CCDC77: variants seen among roughly 807,000 people sequenced by gnomAD.
The protein encoded by CCDC77 is coiled-coil domain-containing protein 77.
In CCDC77, 56 loss-of-function variants were observed where a neutral mutation model predicts 66.8. The ratio of observed to expected loss-of-function variants is 0.84; its 90% CI spans 0.68 to 1.05. The LOEUF (loss-of-function observed/expected upper bound fraction) is 1.05. Ranked by LOEUF, CCDC77 falls within the 50% of genes least tolerant of loss-of-function variation. CCDC77 has a pLI of 0.00. For missense variants in CCDC77, 570 were observed against 576.8 expected, an observed-to-expected ratio of 0.99 and a Z score of 0.12; for synonymous variants, 196 against 195.2, an observed-to-expected ratio of 1.00 and a Z score of -0.03.
Position 416,345 on chromosome 12 carries a change from GTGT to G in CCDC77, c.271-2148_271-2146del, listed in dbSNP as rs1313676497. ...TGTGTGAGTCTGTGGGTGTGTGGGG[GTGT>G]GTGTGTGTGTGTGTGTGTGTGTGTG... is the stretch of plus-strand genomic sequence containing the variant. On this transcript the variant is annotated intron_variant, in intron 4 of 12. Transcript: ENST00000239830. 2.4e-4 allele frequency among the ~76,000 whole-genome samples: 8 copies of G among 32,664 alleles called. 1 individual carries two copies. The highest frequency in any genetic ancestry group is 9.7e-4 in the African/African-American group (8 of 8,266). 21.4% of individuals were successfully genotyped at this position (32,664 alleles called of 152,430 possible). A position where few individuals can be genotyped will look rare whatever the true frequency, so the allele number is the denominator to read the frequency against.
At chr12:428,193 C>T (rs1945570187) in intron 5 of CCDC77, among the ~76,000 whole-genome samples, 1 of 152,064 alleles carries the variant, frequency 6.6e-6, no homozygotes, top group African/African-American at 2.4e-5. Context: ...TAACCCTCAG[C>T]AGCCACTACC....
chr12:431,840 T>C (rs201792676), intron 7 of CCDC77, 26 bp from the exon 8 acceptor site: 66 of 1,460,920 alleles, frequency 4.5e-5, no homozygotes, highest in African/African-American at 5.7e-5. Flanking sequence ...TAAAATCTTC[T>C]TGATGGATTT....
rs1405007600 is a variant in CCDC77, at chr12:437,366, A to C, written c.822-969A>C. ...TCATGGCATTGGGGCAAAAATAATA[A>C]ATAAGGTATATGCTTTCACTCAGGC... is the stretch of plus-strand genomic sequence containing the variant. On this transcript the variant is annotated intron_variant, in intron 9 of 12. Transcript: ENST00000239830. Among the ~76,000 whole-genome samples, 4 of 152,198 alleles carry C rather than the reference A, an allele frequency of 2.6e-5. No homozygotes were observed. In the East Asian group the frequency reaches 7.7e-4, roughly 29 times the overall value.
At chr12:415,791 C>A (rs1173806236) in intron 4 of CCDC77, among the ~76,000 whole-genome samples, 1 of 142,670 alleles carries the variant, frequency 7.0e-6, no homozygotes, top group Non-Finnish European at 1.5e-5. Context: ...TATCACCATG[C>A]CCAGCTAATT....
At chr12:398,253 A>G (rs1334533180), upstream of CCDC77, among the ~76,000 whole-genome samples, 1 of 152,214 alleles carries the variant, frequency 6.6e-6, no homozygotes, top group African/African-American at 2.4e-5. Context: ...AAACCCTGCA[A>G]CTGCTTTATC....
chr12:409,345 A>G, intron 2 of CCDC77, 23 bp from the exon 3 acceptor site: 1 of 1,586,264 alleles, frequency 6.3e-7, no homozygotes, highest in African/African-American at 1.4e-5. Context: ...GCCCGTAATT[A>G]TGAATTTTTG....
At chr12:389,377 GTGTC>G (rs1171633621) in exon 1 of CCDC77, 5 of 581,088 alleles carry the variant, frequency 8.6e-6, no homozygotes, top group African/African-American at 3.7e-5. Flanking sequence ...CGACGCCTGT[GTGTC>G]TGGCCTTTCC....
At chr12:403,293 G>A (rs1205450909) in intron 1 of CCDC77, among the ~76,000 whole-genome samples, 1 of 152,118 alleles carries the variant, frequency 6.6e-6, no homozygotes, top group Non-Finnish European at 1.5e-5. Context: ...AATAATAATA[G>A]TCCACATTTA....
At chr12:399,952 C>A (rs1368855387), upstream of CCDC77, among the ~76,000 whole-genome samples, 7 of 152,234 alleles carry the variant, frequency 4.6e-5, no homozygotes, top group African/African-American at 1.7e-4. Context: ...TACTTGGCAT[C>A]TCCTTCCAAT....
At chr12:433,373 A>C (rs765317690) in intron 9 of CCDC77, 51 bp downstream of exon 9, 17 of 1,594,388 alleles carry the variant, frequency 1.1e-5, no homozygotes, top group Non-Finnish European at 1.4e-5. Context: ...TTTCTGAGTG[A>C]CTTAAAAGTT....
At chr12:436,017 G>T (rs535676013) in intron 9 of CCDC77, among the ~76,000 whole-genome samples, 6 of 152,014 alleles carry the variant, frequency 3.9e-5, no homozygotes, top group South Asian at 2.1e-4. Flanking sequence ...TGAGATTACA[G>T]ACATGAGCCA....
At chr12:432,218 A>C (rs920052621) in intron 8 of CCDC77, among the ~76,000 whole-genome samples, 7 of 152,254 alleles carry the variant, frequency 4.6e-5, no homozygotes, top group Non-Finnish European at 7.3e-5. Flanking sequence ...ATTACAAGGT[A>C]AGAATTCACT....
chr12:418,216 G>A (rs772149108), intron 4 of CCDC77, among the ~76,000 whole-genome samples: 13 of 152,128 alleles, frequency 8.5e-5, no homozygotes, highest in Non-Finnish European at 1.8e-4. Context: ...CTACTCGGGA[G>A]GCTGAGGCAC....
chr12:389,952 T>C (rs1944724417), intron 1 of CCDC77: 1 of 152,238 alleles, frequency 6.6e-6, no homozygotes, highest in Non-Finnish European at 1.5e-5. Context: ...CATCCATGAA[T>C]TGCTTTTCCT....
chr12:402,526 G>T (rs1944916164), intron 1 of CCDC77, among the ~76,000 whole-genome samples: 2 of 152,154 alleles, frequency 1.3e-5, no homozygotes, highest in Non-Finnish European at 1.5e-5. Context: ...CATGAACAAA[G>T]GTATGGAGGC....
intron 4 of CCDC77, among the ~76,000 whole-genome samples, chr12:416,377 G>GTATATATATA (rs1167006549): frequency 7.3e-4 from 15 of 20,592 alleles, no homozygotes; most frequent in Non-Finnish European, 1.3e-3. Flanking sequence ...GTGTGTGTGT[G>GTATATATATA]TATATATATA....
chr12:425,944 A>C (rs1005350537), intron 5 of CCDC77, among the ~76,000 whole-genome samples: 4 of 152,182 alleles, frequency 2.6e-5, no homozygotes, highest in Admixed American at 6.5e-5. Flanking sequence ...AGCTCACTGC[A>C]ACCTCCGCCT....
chr12:425,562 G>A (rs1945512851), intron 5 of CCDC77, among the ~76,000 whole-genome samples: 2 of 151,840 alleles, frequency 1.3e-5, no homozygotes, highest in Non-Finnish European at 2.9e-5. Context: ...GGAGTATGTT[G>A]TCTCCAGAAC....
chr12:433,668 T>G (rs1048027022), intron 9 of CCDC77, among the ~76,000 whole-genome samples: 3 of 149,922 alleles, frequency 2.0e-5, no homozygotes, highest in East Asian at 1.9e-4. Context: ...AAAAAAAAAG[T>G]GTTCTTTTAT....
Sources: allele counts gnomAD v4.1 joint callset (sites outside exome capture counted in the v4.1 genomes callset), GRCh38; gene constraint gnomAD v4.1.1; transcripts MANE v1.5; gene names NCBI Gene and HGNC (gene_info 2026-07-23, HGNC 2026-07-21).